Variants in ZNF449 observed in about 807,000 individuals in gnomAD.
The protein encoded by ZNF449 is zinc finger and SCAN domain-containing protein 19.
A neutral mutation model predicts 32.6 loss-of-function variants in ZNF449; 4 were observed. That is an observed-to-expected ratio of 0.12 (90% CI 0.06 to 0.28). The LOEUF is 0.28. Ranked by LOEUF, ZNF449 falls within the 10% of genes least tolerant of loss-of-function variation. The pLI, the probability that ZNF449 is intolerant of heterozygous loss-of-function variation, is 1.00. For synonymous variants in ZNF449, 123 were observed against 132.2 expected, an observed-to-expected ratio of 0.93 and a Z score of 0.48; for missense variants, 275 against 383.2, an observed-to-expected ratio of 0.72 and a Z score of 2.36.
chrX:135,351,909 T>A (rs1023604981), intron 3 of ZNF449, among the ~76,000 whole-genome samples: 2 of 111,874 alleles, frequency 1.8e-5, no homozygotes, highest in Non-Finnish European at 3.8e-5. Context: ...AAAGGATAGG[T>A]AGAATTAATT....
chrX:135,352,056 T>G (rs782189008), intron 3 of ZNF449, among the ~76,000 whole-genome samples: 1 of 112,480 alleles, frequency 8.9e-6, no homozygotes, highest in African/African-American at 3.2e-5. Flanking sequence ...ACTTTTACTT[T>G]AAACAAAAGT....
In ZNF449 at chrX:135,360,236, G is replaced by GA; in HGVS notation, c.724dup (p.Met242AsnfsTer59). On this transcript the variant is annotated frameshift_variant, in exon 5 of 5. Coordinates refer to ENST00000339249, the MANE Select transcript of ZNF449 (RefSeq NM_152695.6). LOFTEE classifies it high-confidence loss of function. ...AAAATGAAGAAGATACTTCAAAACA[G>GA]AAAAAAATGGAGACTATGTATCCAT... is the stretch of plus-strand genomic sequence containing the variant. 8.4e-7 allele frequency: 1 copy of GA among 1,191,441 alleles called. No homozygotes were observed. The highest frequency in any genetic ancestry group is 1.1e-6 in the Non-Finnish European group (1 of 889,343).
At chrX:135,351,381 G>A (rs1489577269) in intron 3 of ZNF449, among the ~76,000 whole-genome samples, 1 of 110,779 alleles carries the variant, frequency 9.0e-6, no homozygotes, top group East Asian at 2.8e-4. Flanking sequence ...GAGTAAGGAT[G>A]GAATCCAGGT....
At chrX:135,349,409 A>G in intron 3 of ZNF449, 95 bp downstream of exon 3, 1 of 827,379 alleles carries the variant, frequency 1.2e-6, no homozygotes, top group Non-Finnish European at 1.7e-6. Context: ...CAATTACTCA[A>G]TGGAAATTGA....
In ZNF449 at chrX:135,361,606, G is replaced by T. The variant is rs1268172646; in HGVS notation, c.*530G>T. The T allele has an allele frequency of 9.0e-6, 1 of 111,643 alleles. No individual in the cohort carries two copies. Among genetic ancestry groups the T allele is most frequent in the Non-Finnish European group, 1.9e-5 (1 of 53,049 alleles). The allele number at this position is 111,643 out of a possible 1,213,427, so 9.2% of individuals were successfully genotyped here. On this transcript the variant is annotated 3_prime_UTR_variant, in exon 5 of 5. Transcript: ENST00000339249. ...GAAGGGGATGTCATTTGCCTGGTAA[G>T]AACTGGGTTATTTCCACTGAAATTT...
Position 135,347,349 on chromosome X carries a change from A to G in ZNF449, c.231A>G (p.Gln77=). The G allele has an allele frequency of 3.3e-6, 4 of 1,212,220 alleles. No homozygotes were observed. The highest frequency in any genetic ancestry group is 4.5e-6 in the Non-Finnish European group (4 of 895,625). The change falls in exon 2 of 5, where the codon CAA becomes CAG. Residue 77 remains glutamine, a synonymous_variant. Transcript: ENST00000339249. ...TCCTGGAGCTGCTAGTGTTGGAGCAATTCCTAACTATCCTGCCCACAGAGA... is the reference window on the plus strand; with the variant it reads ...TCCTGGAGCTGCTAGTGTTGGAGCAGTTCCTAACTATCCTGCCCACAGAGA... ...EQILELLVLE[Q]FLTILPTEIE...
At chrX:135,351,589 A>G (rs1040020459) in intron 3 of ZNF449, among the ~76,000 whole-genome samples, 12 of 105,988 alleles carry the variant, frequency 1.1e-4, no homozygotes, top group Non-Finnish European at 2.1e-4. Flanking sequence ...TGGTCAAAGC[A>G]GAACTATATA....
chrX:135,350,412 G>A (rs1018541668), intron 3 of ZNF449, among the ~76,000 whole-genome samples: 37 of 111,703 alleles, frequency 3.3e-4, no homozygotes, highest in Admixed American at 9.4e-4. Context: ...ATGTTCGCAC[G>A]TTCAAGAGAC....
At chrX:135,356,643 A>G (rs1270784123) in intron 3 of ZNF449, among the ~76,000 whole-genome samples, 1 of 111,625 alleles carries the variant, frequency 9.0e-6, no homozygotes, top group Non-Finnish European at 1.9e-5. Flanking sequence ...TCCCAAATTT[A>G]ACTACTAATA....
chrX:135,358,662 G>A (rs2084930129), intron 3 of ZNF449, among the ~76,000 whole-genome samples: 1 of 111,905 alleles, frequency 8.9e-6, no homozygotes, highest in Non-Finnish European at 1.9e-5. Context: ...ATTTTTACTT[G>A]TGCTGCTTTG....
chrX:135,350,412 G>C (rs1018541668), intron 3 of ZNF449, among the ~76,000 whole-genome samples: 1 of 111,651 alleles, frequency 9.0e-6, no homozygotes, highest in Non-Finnish European at 1.9e-5. Context: ...ATGTTCGCAC[G>C]TTCAAGAGAC....
intron 1 of ZNF449, 119 bp from the exon 2 acceptor site, chrX:135,346,900 T>G: frequency 2.9e-6 from 1 of 339,230 alleles, no homozygotes. Context: ...AAGAACTACT[T>G]TAGGTCTTTG....
At chrX:135,351,034 G>A (rs782051750) in intron 3 of ZNF449, among the ~76,000 whole-genome samples, 2 of 111,659 alleles carry the variant, frequency 1.8e-5, no homozygotes, top group East Asian at 5.6e-4. Flanking sequence ...GCTGGAGAGA[G>A]AAGCAGGGTC....
At chrX:135,348,652 A>C (rs1234703407) in intron 2 of ZNF449, 3 of 810,116 alleles carry the variant, frequency 3.7e-6, no homozygotes, top group African/African-American at 4.4e-5. Context: ...AGTCTTCTGA[A>C]GTTTTCTGTC....
At position 135,347,464 on chromosome X, in the gene ZNF449, G is replaced by A; in HGVS notation, c.346G>A (p.Glu116Lys). 1.7e-6 allele frequency: 2 copies of A among 1,211,838 alleles called. No individual in the cohort carries two copies. The highest frequency in any genetic ancestry group is 2.2e-6 in the Non-Finnish European group (2 of 895,510). The part of the protein sequence containing the change: ...EDLQRELEIP[E>K]QQVDMHDMLL... Reference sequence around the variant, plus strand: ...CTTACAGAGAGAACTTGAGATACCAGAGCAGCAGGTAAGAAAAGAATGTGG... The same window carrying A: ...CTTACAGAGAGAACTTGAGATACCAAAGCAGCAGGTAAGAAAAGAATGTGG... The change falls in exon 2 of 5, where the codon GAG becomes AAG. Residue 116 changes from glutamate (E) to lysine (K), a missense_variant. Around this residue, in one of 3 missense-constraint regions of ZNF449, gnomAD observed 165 missense variants for 175.0 expected, o/e 0.94. Transcript: ENST00000339249.
At chrX:135,357,399 C>CT (rs2084923806) in intron 3 of ZNF449, among the ~76,000 whole-genome samples, 1 of 111,379 alleles carries the variant, frequency 9.0e-6, no homozygotes, top group Admixed American at 9.5e-5. Context: ...AAAGGCTATT[C>CT]TTTTTATATT....
intron 3 of ZNF449, among the ~76,000 whole-genome samples, chrX:135,351,658 TAAAA>T (rs782046147): frequency 6.1e-5 from 3 of 49,504 alleles, no homozygotes; most frequent in African/African-American, 2.3e-4. Flanking sequence ...TGAGGAATTC[TAAAA>T]AAAAAAAAAA....
intron 3 of ZNF449, among the ~76,000 whole-genome samples, chrX:135,354,756 G>T (rs187751111): frequency 9.0e-6 from 1 of 111,331 alleles, no homozygotes; most frequent in Admixed American, 9.5e-5. Flanking sequence ...GTAGCAGCTA[G>T]ACTTGAGGGC....
chrX:135,346,109 T>TG (rs1184430864), intron 1 of ZNF449, among the ~76,000 whole-genome samples: 1 of 112,270 alleles, frequency 8.9e-6, no homozygotes, highest in Non-Finnish European at 1.9e-5. Context: ...AGTACCCAGC[T>TG]CCTAACCTTG....
Sources: allele counts gnomAD v4.1 joint callset (sites outside exome capture counted in the v4.1 genomes callset), GRCh38; gene constraint gnomAD v4.1.1; regional missense constraint gnomAD v4.1.1; transcripts MANE v1.5; gene names NCBI Gene and HGNC (gene_info 2026-07-23, HGNC 2026-07-21).